BAHCC1: variants seen among roughly 807,000 people sequenced by gnomAD.
The protein encoded by BAHCC1 is BAH domain and coiled-coil containing 1.
In BAHCC1, 43 loss-of-function variants were observed where a neutral mutation model predicts 88.2. That is an observed-to-expected ratio of 0.49 (90% confidence interval 0.38 to 0.63). The LOEUF (loss-of-function observed/expected upper bound fraction) is 0.63, where lower values mean the gene tolerates loss of function less well. Among genes scored for constraint, BAHCC1 ranks in the 20% least tolerant of loss-of-function variants. The pLI is 0.00. For missense variants in BAHCC1, 3,023 were observed against 1,654.8 expected, an observed-to-expected ratio of 1.83 and a Z score of -14.34; for synonymous variants, 1,510 against 745.5, an observed-to-expected ratio of 2.03 and a Z score of -16.71.
At chr17:81,427,262 A>G (rs1161658305) in intron 3 of BAHCC1, among the ~76,000 whole-genome samples, 4 of 152,042 alleles carry the variant, frequency 2.6e-5, no homozygotes, top group African/African-American at 4.8e-5. Flanking sequence ...GGCTCTGGGG[A>G]GCTGAGAAAA....
chr17:81,430,709 C>G (rs1246941477), intron 3 of BAHCC1, among the ~76,000 whole-genome samples: 1 of 152,176 alleles, frequency 6.6e-6, no homozygotes, highest in Non-Finnish European at 1.5e-5. Flanking sequence ...CTCCATCCTT[C>G]CTGTGATGCC....
rs537687634 is a variant in BAHCC1, at chr17:81,465,113, G to C, written c.*1296G>C. 2 of 152,390 alleles carry C rather than the reference G, an allele frequency of 1.3e-5. No homozygotes were observed. The highest frequency in any genetic ancestry group is 4.8e-5 in the African/African-American group (2 of 41,572). The allele number at this position is 152,390 out of a possible 1,614,324, so 9.4% of individuals were successfully genotyped here. On this transcript the variant is annotated 3_prime_UTR_variant, in exon 28 of 28. Transcript: ENST00000675386. ...CGTAGATGGTGGTGAGGCCAGGCCA[G>C]CAGTGCTGTGGCCAGGGGAGAAGAA...
At chr17:81,439,122 C>CAGCAGAGA (rs1568015107) in intron 4 of BAHCC1, among the ~76,000 whole-genome samples, 3 of 152,110 alleles carry the variant, frequency 2.0e-5, no homozygotes, top group Admixed American at 6.5e-5. Flanking sequence ...CCCAGCAGAG[C>CAGCAGAGA]CGAGTCCTGG....
In BAHCC1 at chr17:81,419,788, CG is replaced by C. The variant is rs782557127; in HGVS notation, c.179-7011del. Among the ~76,000 whole-genome samples the C allele has an allele frequency of 7.6e-3, 773 of 102,292 alleles. 109 individuals carry two copies. The highest frequency in any genetic ancestry group is 0.017 in the African/African-American group (452 of 26,406). 67.1% of individuals were successfully genotyped at this position (102,292 alleles called of 152,430 possible). ...TGGAGCTGCCGCCATCTCAACGAGGCGTTTTTTTTTTTTTTTTTTTTTACAA... is the reference window on the plus strand; with the variant it reads ...TGGAGCTGCCGCCATCTCAACGAGGCTTTTTTTTTTTTTTTTTTTTTACAA... On this transcript the variant is annotated intron_variant, in intron 2 of 27. Coordinates refer to ENST00000675386, the MANE Select transcript of BAHCC1 (RefSeq NM_001377448.1).
chr17:81,408,770 C>T (rs1160408094), intron 2 of BAHCC1, among the ~76,000 whole-genome samples: 4 of 152,166 alleles, frequency 2.6e-5, no homozygotes, highest in African/African-American at 4.8e-5. Flanking sequence ...CCTGCCCAGC[C>T]CCCCTGGCTG....
chr17:81,455,489 C>T, intron 15 of BAHCC1, 99 bp downstream of exon 15: 2 of 648,736 alleles, frequency 3.1e-6, no homozygotes, highest in African/African-American at 1.8e-5. Flanking sequence ...TGCCGAAACC[C>T]ATTGCTCAGA....
chr17:81,438,524 A>T (rs1555652081), intron 4 of BAHCC1, 32 bp downstream of exon 4: 2 of 750,386 alleles, frequency 2.7e-6, no homozygotes, highest in East Asian at 5.0e-5. Context: ...CGTGGGGAGC[A>T]GGCATGCTGG....
chr17:81,416,305 G>T (rs1482941805), intron 2 of BAHCC1, among the ~76,000 whole-genome samples: 1 of 129,684 alleles, frequency 7.7e-6, no homozygotes, highest in East Asian at 2.4e-4. Flanking sequence ...TGTCCATGAG[G>T]GTGGGTGTAT....
chr17:81,460,234 C>T (rs2143652820), intron 23 of BAHCC1, 43 bp from the exon 24 acceptor site: 1 of 727,308 alleles, frequency 1.4e-6, no homozygotes, highest in Middle Eastern at 2.7e-4. Context: ...TTTCGGGCGC[C>T]TACTGGGGGT....
Position 81,426,872 on chromosome 17 carries a change from C to T in BAHCC1, c.251C>T (p.Ser84Leu), listed in dbSNP as rs2064206000. Residue 84 changes from serine (S) to leucine (L), a missense_variant, in exon 3 of 28, where the codon TCG becomes TTG. By Grantham distance (145) the Ser-to-Leu change is moderately radical (BLOSUM62 -2). Transcript: ENST00000675386. ...AGTTTCCTCACCAGCAGCCTGGGCT[C>T]GGCAGCCTCCACGCACCCCAGCGGC... ...MGSFLTSSLG[S>L]AASTHPSGPS... 6 of 399,356 alleles carry T rather than the reference C, an allele frequency of 1.5e-5. No homozygotes were observed. 24.7% of individuals were successfully genotyped at this position (399,356 alleles called of 1,614,324 possible). A position where few individuals can be genotyped will look rare whatever the true frequency, so the allele number is the denominator to read the frequency against.
intron 2 of BAHCC1, chr17:81,422,014 AT>A (rs34098647): frequency 0.19 from 50,719 of 269,798 alleles, 4,468 homozygotes; most frequent in Non-Finnish European, 0.22. Context: ...TCCTCTCGTG[AT>A]TTTTTTTTTT....
chr17:81,396,572 C>T (rs1343339403), intron 1 of BAHCC1: 4 of 152,188 alleles, frequency 2.6e-5, no homozygotes, highest in African/African-American at 9.7e-5. Flanking sequence ...CTGCAGGCCC[C>T]ACCGCGCCCG....
At chr17:81,425,507 G>T (rs111171314) in intron 2 of BAHCC1, among the ~76,000 whole-genome samples, 116 of 78,806 alleles carry the variant, frequency 1.5e-3, no homozygotes, top group African/African-American at 4.0e-3. Flanking sequence ...ATGTGGTTGG[G>T]GGTGATAGTG....
Position 81,411,902 on chromosome 17 carries a change from G to A in BAHCC1, c.178+11985G>A, listed in dbSNP as rs1036275411. On this transcript the variant is annotated intron_variant, in intron 2 of 27. Coordinates refer to ENST00000675386, the MANE Select transcript of BAHCC1 (RefSeq NM_001377448.1). This position sits in a 1 kb window ranked among gnomAD's most constrained non-coding sequence, Gnocchi z 6.2. ...TCCCTCCAGCTCAGCGCTTACCATC[G>A]TATCCCTGCATCCGAGGGTAGCTTT... 3.3e-5 allele frequency among the ~76,000 whole-genome samples: 5 copies of A among 152,276 alleles called. No homozygotes were observed. The highest frequency in any genetic ancestry group is 2.1e-4 in the South Asian group (1 of 4,832).
chr17:81,455,560 C>T (rs544045164), intron 15 of BAHCC1, among the ~76,000 whole-genome samples, 170 bp downstream of exon 15: 19 of 152,322 alleles, frequency 1.2e-4, no homozygotes, highest in Admixed American at 5.9e-4. Context: ...GGTGACCCTG[C>T]GGTGTAACAC....
chr17:81,429,768 G>C (rs1439361464), intron 3 of BAHCC1, among the ~76,000 whole-genome samples: 1 of 152,202 alleles, frequency 6.6e-6, no homozygotes, highest in Non-Finnish European at 1.5e-5. Flanking sequence ...CCCCAGCCCA[G>C]GGCTTTCGTT....
In BAHCC1 at chr17:81,442,930, T is replaced by G; in HGVS notation, c.1581T>G (p.Val527=). Residue 527 remains valine, a synonymous_variant, in exon 5 of 28, where the codon GTT becomes GTG. Transcript: ENST00000675386. ...PQACCTLDKT[V]GKEAPAGPPG... The stretch of plus-strand genomic sequence containing the variant: ...CCTGCTGCACTTTAGATAAGACTGT[T>G]GGCAAGGAAGCCCCGGCCGGCCCCC... 1 of 778,942 alleles carries G rather than the reference T, an allele frequency of 1.3e-6. No homozygotes were observed. The allele number at this position is 778,942 out of a possible 1,614,324, so 48.3% of individuals were successfully genotyped here. A position where few individuals can be genotyped will look rare whatever the true frequency, so the allele number is the denominator to read the frequency against.
At chr17:81,418,810 C>CGCATGTGTGTGTGTGTACGTGTGT (rs71302047) in intron 2 of BAHCC1, among the ~76,000 whole-genome samples, 5 of 146,332 alleles carry the variant, frequency 3.4e-5, no homozygotes, top group Admixed American at 1.3e-4. Flanking sequence ...TGTGTGTGTA[C>CGCATGTGTGTGTGTGTACGTGTGT]GTGTGTGTGT....
Position 81,461,446 on chromosome 17 carries a change from C to T in BAHCC1, c.6783C>T (p.Pro2261=). Residue 2261 remains proline (P), a synonymous_variant, in exon 26 of 28, where the codon CCC becomes CCT. Transcript: ENST00000675386. ...GCAAGGACAAGAAGGGGCGGGCACC[C>T]ATCCCCCCGCTGCCCATGGGGCTGG... ...LVGKDKKGRA[P]IPPLPMGLAL... The T allele has an allele frequency of 1.4e-6, 1 of 739,218 alleles. No individual in the cohort carries two copies. The highest frequency in any genetic ancestry group is 2.5e-5 in the East Asian group (1 of 39,906). The allele number at this position is 739,218 out of a possible 1,614,324, so 45.8% of individuals were successfully genotyped here.
Sources: gnomAD v4.1 joint callset for allele counts (sites outside exome capture counted in the v4.1 genomes callset) on GRCh38, gnomAD v4.1.1 for gene constraint, Gnocchi (gnomAD v3.1) non-coding constraint, MANE v1.5 for transcripts, NCBI Gene and HGNC (gene_info 2026-07-23, HGNC 2026-07-21) for gene names.